Variants in ASTN2 observed in about 807,000 individuals in gnomAD.
The protein encoded by ASTN2 is astrotactin 2, also known as astrotactin-2.
ASTN2 carries 54 observed loss-of-function variants against 139.8 expected under a neutral mutation model. That is an observed-to-expected ratio of 0.39 (90% CI 0.31 to 0.48). The LOEUF is 0.48. Ranked by LOEUF, ASTN2 falls within the 20% of genes least tolerant of loss-of-function variation. The pLI is 0.95. For missense variants in ASTN2, 1,565 were observed against 1,725.1 expected, an observed-to-expected ratio of 0.91 and a Z score of 1.64; for synonymous variants, 756 against 719.5, an observed-to-expected ratio of 1.05 and a Z score of -0.81.
intron 5 of ASTN2, among the ~76,000 whole-genome samples, chr9:117,048,963 C>CTTTTTTT (rs372277811): frequency 0.017 from 1,544 of 88,898 alleles, 212 homozygotes; most frequent in African/African-American, 0.048. Flanking sequence ...TCATCCATTG[C>CTTTTTTT]TTTTTTTTTT....
chr9:117,181,154 AT>A, intron 3 of ASTN2: 1 of 732,414 alleles, frequency 1.4e-6, no homozygotes, highest in Non-Finnish European at 2.4e-6. Context: ...CCATTGCACA[AT>A]GGGCCCCCAT....
intron 19 of ASTN2, among the ~76,000 whole-genome samples, chr9:116,523,784 G>T (rs1270046623): frequency 6.6e-6 from 1 of 152,064 alleles, no homozygotes; most frequent in Non-Finnish European, 1.5e-5. Context: ...ATTTTCTAGA[G>T]TCACAATTTG....
At chr9:116,995,794 T>C (rs750962074) in intron 7 of ASTN2, among the ~76,000 whole-genome samples, 1 of 152,204 alleles carries the variant, frequency 6.6e-6, no homozygotes, top group Non-Finnish European at 1.5e-5. Context: ...TTTCATTACA[T>C]TAATTCTAAG....
chr9:117,139,042 G>T (rs961551332), intron 4 of ASTN2, among the ~76,000 whole-genome samples: 2 of 152,096 alleles, frequency 1.3e-5, no homozygotes, highest in African/African-American at 4.8e-5. Flanking sequence ...AATTCAGGTT[G>T]GTAATGAAGG....
chr9:116,740,813 G>A (rs1030196019), intron 13 of ASTN2, among the ~76,000 whole-genome samples: 18 of 151,176 alleles, frequency 1.2e-4, no homozygotes, highest in Non-Finnish European at 2.1e-4. Context: ...CGCGCCCGGC[G>A]GTAAAGTTAT....
At chr9:117,125,595 A>G (rs1829666310) in intron 4 of ASTN2, among the ~76,000 whole-genome samples, 1 of 152,220 alleles carries the variant, frequency 6.6e-6, no homozygotes, top group African/African-American at 2.4e-5. Context: ...CTTGGCTAAA[A>G]AGGAAATCCT....
intron 11 of ASTN2, among the ~76,000 whole-genome samples, chr9:116,825,017 G>T (rs1295445743): frequency 6.6e-6 from 1 of 152,218 alleles, no homozygotes; most frequent in African/African-American, 2.4e-5. Flanking sequence ...TACAGGAAGA[G>T]AAAAGAGACA....
At chr9:117,112,186 T>C (rs558660144) in intron 4 of ASTN2, among the ~76,000 whole-genome samples, 1 of 152,076 alleles carries the variant, frequency 6.6e-6, no homozygotes, top group South Asian at 2.1e-4. Flanking sequence ...ATACTCAATA[T>C]TGTTAAGATG....
intron 2 of ASTN2, among the ~76,000 whole-genome samples, chr9:117,244,042 T>A (rs1833293478): frequency 6.6e-6 from 1 of 151,990 alleles, no homozygotes; most frequent in Admixed American, 6.6e-5. Flanking sequence ...TGATAGTGAG[T>A]GAGTTCTCAT....
intron 19 of ASTN2, among the ~76,000 whole-genome samples, chr9:116,587,905 T>C (rs1854224047): frequency 6.6e-6 from 1 of 152,248 alleles, no homozygotes; most frequent in African/African-American, 2.4e-5. Context: ...CTCCTTATTA[T>C]TCTTCCAGTC....
intron 17 of ASTN2, among the ~76,000 whole-genome samples, chr9:116,640,848 A>G (rs1340617765): frequency 2.0e-5 from 3 of 152,236 alleles, no homozygotes; most frequent in African/African-American, 7.2e-5. Context: ...GTTATTAGAC[A>G]GGAGACTATT....
chr9:117,229,731 A>C (rs1832829492), intron 2 of ASTN2, among the ~76,000 whole-genome samples: 1 of 152,212 alleles, frequency 6.6e-6, no homozygotes, highest in South Asian at 2.1e-4. Context: ...CTCAAGAACA[A>C]CTAGCCTGGG....
chr9:116,700,447 A>G (rs930335506), intron 16 of ASTN2: 3 of 167,158 alleles, frequency 1.8e-5, no homozygotes, highest in African/African-American at 7.2e-5. Flanking sequence ...GAATTATGCC[A>G]AAGCATAGGA....
At chr9:117,374,023 GA>G (rs1294588755) in intron 1 of ASTN2, among the ~76,000 whole-genome samples, 8 of 152,070 alleles carry the variant, frequency 5.3e-5, no homozygotes, top group Non-Finnish European at 1.0e-4. Flanking sequence ...GACAGAAGGG[GA>G]AAAATACATG....
chr9:116,955,497 G>A (rs549591630), intron 10 of ASTN2, among the ~76,000 whole-genome samples: 52 of 152,322 alleles, frequency 3.4e-4, no homozygotes, highest in Non-Finnish European at 5.3e-4. Flanking sequence ...AGAGCTAGCC[G>A]ATCCTGTTCA....
chr9:116,975,835 A>G (rs1296589718), intron 9 of ASTN2, among the ~76,000 whole-genome samples: 2 of 152,186 alleles, frequency 1.3e-5, no homozygotes, highest in Non-Finnish European at 2.9e-5. Context: ...AAGAGGTTCT[A>G]TGGTTACAGA....
At chr9:116,850,822 G>A (rs1454536262) in intron 11 of ASTN2, among the ~76,000 whole-genome samples, 1 of 151,338 alleles carries the variant, frequency 6.6e-6, no homozygotes, top group Non-Finnish European at 1.5e-5. Context: ...ATTCAAAAGA[G>A]AGAAGCAGCA....
intron 1 of ASTN2, among the ~76,000 whole-genome samples, chr9:117,357,146 T>G (rs982513992): frequency 1.3e-5 from 2 of 152,210 alleles, no homozygotes; most frequent in Non-Finnish European, 2.9e-5. Context: ...CCAGGGCTCA[T>G]AGTCCTTTCA....
chr9:116,448,842 G>T (rs1247674908), intron 20 of ASTN2, among the ~76,000 whole-genome samples: 1 of 152,194 alleles, frequency 6.6e-6, no homozygotes, highest in Non-Finnish European at 1.5e-5. Context: ...TATGGATGTA[G>T]AGAAAATGTG....
Sources: gnomAD v4.1 joint callset for allele counts (sites outside exome capture counted in the v4.1 genomes callset) on GRCh38, gnomAD v4.1.1 for gene constraint, MANE v1.5 for transcripts, NCBI Gene and HGNC (gene_info 2026-07-23, HGNC 2026-07-21) for gene names.